Variants in DENND1A observed in about 807,000 individuals in gnomAD.
The protein encoded by DENND1A is DENN domain-containing protein 1A.
In DENND1A, 51 loss-of-function variants were observed where a neutral mutation model predicts 113.7. The ratio of observed to expected loss-of-function variants is 0.45; its 90% CI spans 0.36 to 0.57. The LOEUF (loss-of-function observed/expected upper bound fraction) is 0.57. DENND1A is among the 20% of genes least tolerant of loss of function. The probability of loss-of-function intolerance (pLI) is 0.00; values close to 1 mark genes in which losing one functional copy is unlikely to be tolerated. For missense variants in DENND1A, 1,258 were observed against 1,395.9 expected, an observed-to-expected ratio of 0.90 and a Z score of 1.57; for synonymous variants, 565 against 570.8, an observed-to-expected ratio of 0.99 and a Z score of 0.14.
chr9:123,390,121 C>T (rs1455525423), intron 21 of DENND1A, among the ~76,000 whole-genome samples: 1 of 152,258 alleles, frequency 6.6e-6, no homozygotes, highest in Non-Finnish European at 1.5e-5. Flanking sequence ...GGCTGTGCCT[C>T]TTCGCACTTC....
chr9:123,717,786 A>G (rs1410798494), intron 5 of DENND1A, among the ~76,000 whole-genome samples: 1 of 152,234 alleles, frequency 6.6e-6, no homozygotes, highest in Non-Finnish European at 1.5e-5. Context: ...AGACTTTGCC[A>G]GAGTACACAG....
intron 13 of DENND1A, among the ~76,000 whole-genome samples, chr9:123,517,074 AACCC>A (rs1463163868): frequency 6.6e-6 from 1 of 151,572 alleles, no homozygotes; most frequent in African/African-American, 2.4e-5. Flanking sequence ...TATAAGGTGA[AACCC>A]TGTCTCTACT....
chr9:123,792,723 C>T lies in DENND1A; in HGVS notation c.89-93G>A, dbSNP rs963156249. On this transcript the variant is annotated intron_variant, in intron 2 of 23. Transcript: ENST00000394215. ...ATATTTGATCAGAAGATGATAGCAG[C>T]CCTGGCAGGGGATCCAAGGGGGGCA... 5.5e-6 allele frequency: 8 copies of T among 1,446,266 alleles called. No individual in the cohort carries two copies. The Admixed American group carries it at 7.3e-5, about 13-fold the overall frequency. The allele number at this position is 1,446,266 out of a possible 1,614,324, so 89.6% of individuals were successfully genotyped here. A position where few individuals can be genotyped will look rare whatever the true frequency, so the allele number is the denominator to read the frequency against.
At chr9:123,729,458 A>G (rs1658263325) in intron 5 of DENND1A, among the ~76,000 whole-genome samples, 1 of 152,218 alleles carries the variant, frequency 6.6e-6, no homozygotes, top group Admixed American at 6.5e-5. Flanking sequence ...ATTCCTATAT[A>G]CCAATAATGG....
chr9:123,526,193 G>A (rs990938275), intron 13 of DENND1A, among the ~76,000 whole-genome samples: 9 of 151,750 alleles, frequency 5.9e-5, no homozygotes, highest in African/African-American at 1.4e-4. Context: ...ACACATATGC[G>A]TACACACACC....
At chr9:123,885,032 C>T (rs1194780811) in intron 1 of DENND1A, among the ~76,000 whole-genome samples, 1 of 133,502 alleles carries the variant, frequency 7.5e-6, no homozygotes, top group Non-Finnish European at 1.6e-5. Context: ...CACACACACT[C>T]ACTCTCTCTC....
intron 1 of DENND1A, among the ~76,000 whole-genome samples, chr9:123,883,521 G>T (rs900008960): frequency 6.6e-6 from 1 of 152,134 alleles, no homozygotes; most frequent in African/African-American, 2.4e-5. Context: ...CCCAAGAATT[G>T]TATTTCTAAC....
chr9:123,756,274 A>C (rs1402138571), intron 5 of DENND1A, among the ~76,000 whole-genome samples: 1 of 152,118 alleles, frequency 6.6e-6, no homozygotes, highest in Non-Finnish European at 1.5e-5. Context: ...GGGTACCAGT[A>C]CCCTTAAACC....
intron 11 of DENND1A, among the ~76,000 whole-genome samples, chr9:123,585,335 G>A (rs1206135262): frequency 6.6e-6 from 1 of 152,208 alleles, no homozygotes; most frequent in Non-Finnish European, 1.5e-5. Context: ...ATTACCTGCT[G>A]CCTTATTTAT....
At chr9:123,589,658 A>AAC (rs2059364155) in intron 11 of DENND1A, among the ~76,000 whole-genome samples, 1 of 151,048 alleles carries the variant, frequency 6.6e-6, no homozygotes, top group African/African-American at 2.4e-5. Flanking sequence ...AAAAAAAAAA[A>AAC]AAAAAAAAAA....
At chr9:123,680,476 A>G (rs2064373582) in intron 5 of DENND1A, among the ~76,000 whole-genome samples, 1 of 152,234 alleles carries the variant, frequency 6.6e-6, no homozygotes, top group Non-Finnish European at 1.5e-5. Context: ...AAAAGCCCTT[A>G]AATTACCTCC....
chr9:123,452,546 G>A (rs550253727), intron 16 of DENND1A, among the ~76,000 whole-genome samples, 199 bp from the exon 17 acceptor site: 33 of 103,830 alleles, frequency 3.2e-4, no homozygotes, highest in African/African-American at 1.2e-3. Flanking sequence ...AGCTGTGGGT[G>A]GGTGTGTATG....
chr9:123,752,532 T>C (rs921957575), intron 5 of DENND1A, among the ~76,000 whole-genome samples: 11 of 152,218 alleles, frequency 7.2e-5, no homozygotes, highest in Admixed American at 5.2e-4. Flanking sequence ...AGTTCCTTTA[T>C]AAAAGACAAA....
chr9:123,402,432 TCC>T, intron 21 of DENND1A: 2 of 503,320 alleles, frequency 4.0e-6, no homozygotes, highest in Non-Finnish European at 4.1e-6. Flanking sequence ...TCATTTTTTT[TCC>T]TTCTTGCTCC....
At chr9:123,526,386 C>T (rs1189650573) in intron 13 of DENND1A, among the ~76,000 whole-genome samples, 1 of 152,188 alleles carries the variant, frequency 6.6e-6, no homozygotes, top group African/African-American at 2.4e-5. Flanking sequence ...ACCGAATACG[C>T]TTATCTCCCC....
chr9:123,583,474 C>A (rs2059020145), intron 11 of DENND1A, among the ~76,000 whole-genome samples: 1 of 152,166 alleles, frequency 6.6e-6, no homozygotes, highest in Non-Finnish European at 1.5e-5. Flanking sequence ...ATGACTATCC[C>A]CAAGTCCCAG....
At chr9:123,658,329 A>C (rs2063068583) in intron 8 of DENND1A, among the ~76,000 whole-genome samples, 1 of 152,242 alleles carries the variant, frequency 6.6e-6, no homozygotes, top group Admixed American at 6.5e-5. Context: ...GCTGGTTTAC[A>C]ATGTAATTAT....
rs1326160910 is a variant in DENND1A, at chr9:123,671,533, G to A, written c.373-162C>T. ...TGTAGGGTTTGACAAAAGACACCACGTATGCCTCAAACATAAAGAGCCAAA... is the reference window on the plus strand; with the variant it reads ...TGTAGGGTTTGACAAAAGACACCACATATGCCTCAAACATAAAGAGCCAAA... On this transcript the variant is annotated intron_variant, in intron 6 of 23. Transcript: ENST00000394215. 5.9e-5 allele frequency among the ~76,000 whole-genome samples: 9 copies of A among 152,078 alleles called. No homozygotes were observed. In the South Asian group the frequency reaches 8.3e-4, roughly 14 times the overall value.
intron 5 of DENND1A, among the ~76,000 whole-genome samples, chr9:123,707,358 C>A (rs537215853): frequency 1.3e-5 from 2 of 151,358 alleles, no homozygotes; most frequent in Admixed American, 1.3e-4. Context: ...CCCGCCATTG[C>A]ACTCCAGCCT....
Sources: gnomAD v4.1 joint callset for allele counts (sites outside exome capture counted in the v4.1 genomes callset) on GRCh38, gnomAD v4.1.1 for gene constraint, MANE v1.5 for transcripts, NCBI Gene and HGNC (gene_info 2026-07-23, HGNC 2026-07-21) for gene names.